The following SAMTOR variants were observed in gnomAD, a reference collection of about 807,000 sequenced individuals.
The protein encoded by SAMTOR is UPF0532 protein C7orf60.
chr7:112,885,241 C>A, the SAMTOR span, among the ~76,000 whole-genome samples: 20 of 152,150 alleles, frequency 1.3e-4, no homozygotes, highest in Non-Finnish European at 2.4e-4. Flanking sequence ...AGAGGGGCTG[C>A]TGTGAAGATC....
At chr7:112,875,778 C>T in the SAMTOR span, among the ~76,000 whole-genome samples, 4 of 152,170 alleles carry the variant, frequency 2.6e-5, no homozygotes, top group African/African-American at 9.7e-5. Context: ...TAATCTGTAT[C>T]CCACTGATGA....
At chr7:112,903,117 C>A in the SAMTOR span, among the ~76,000 whole-genome samples, 1 of 151,990 alleles carries the variant, frequency 6.6e-6, no homozygotes, top group African/African-American at 2.4e-5. Context: ...AGTTCAAGAC[C>A]CGCCTGACCA....
chr7:112,916,938 G>T, the SAMTOR span, among the ~76,000 whole-genome samples: 1 of 152,200 alleles, frequency 6.6e-6, no homozygotes, highest in Non-Finnish European at 1.5e-5. Context: ...CAAAGCAGCA[G>T]GGAAGCTCGA....
the SAMTOR span, among the ~76,000 whole-genome samples, chr7:112,832,333 T>A: frequency 3.9e-5 from 6 of 152,130 alleles, no homozygotes; most frequent in African/African-American, 1.4e-4. Context: ...TTAATTGCAA[T>A]GATTTTGCTC....
At chr7:112,937,444 T>C in the SAMTOR span, among the ~76,000 whole-genome samples, 1 of 152,142 alleles carries the variant, frequency 6.6e-6, no homozygotes, top group Non-Finnish European at 1.5e-5. Context: ...TTGTAAAATA[T>C]GTTTACAGAC....
chr7:112,844,791 G>A, the SAMTOR span, among the ~76,000 whole-genome samples: 1 of 152,022 alleles, frequency 6.6e-6, no homozygotes, highest in South Asian at 2.1e-4. Context: ...AATTGCCAAG[G>A]CAATCCTAAG....
the SAMTOR span, among the ~76,000 whole-genome samples, chr7:112,840,879 A>G: frequency 1.4e-4 from 22 of 152,202 alleles, no homozygotes; most frequent in African/African-American, 5.3e-4. Flanking sequence ...ATAAAATTCA[A>G]CACCCCTTCA....
the SAMTOR span, among the ~76,000 whole-genome samples, chr7:112,896,618 A>G: frequency 6.6e-6 from 1 of 152,210 alleles, no homozygotes; most frequent in South Asian, 2.1e-4. Flanking sequence ...ACATTTATTA[A>G]GTACGCATCA....
the SAMTOR span, among the ~76,000 whole-genome samples, chr7:112,858,343 T>C: frequency 6.6e-6 from 1 of 151,052 alleles, no homozygotes; most frequent in Non-Finnish European, 1.5e-5. Context: ...AAAATAAACA[T>C]GAAGACCACA....
chr7:112,835,420 T>G, the SAMTOR span, among the ~76,000 whole-genome samples: 1 of 152,122 alleles, frequency 6.6e-6, no homozygotes, highest in East Asian at 1.9e-4. Context: ...AACATTCCAG[T>G]GTTTCACCAT....
chr7:112,860,528 A>G, the SAMTOR span, among the ~76,000 whole-genome samples: 1 of 152,204 alleles, frequency 6.6e-6, no homozygotes, highest in Non-Finnish European at 1.5e-5. Flanking sequence ...TATTGACTTA[A>G]TTAAACTAAG....
At chr7:112,902,821 A>G in the SAMTOR span, among the ~76,000 whole-genome samples, 5 of 152,194 alleles carry the variant, frequency 3.3e-5, no homozygotes, top group Non-Finnish European at 4.4e-5. Context: ...CTGCTCTAAA[A>G]AATAAAGTCT....
chr7:112,939,739 C>A, the SAMTOR span: 8 of 1,601,088 alleles, frequency 5.0e-6, no homozygotes, highest in Admixed American at 1.0e-4. Flanking sequence ...GGCCGCCGGC[C>A]CCTGGCTCCA....
At chr7:112,919,384 T>G in the SAMTOR span, among the ~76,000 whole-genome samples, 1 of 152,126 alleles carries the variant, frequency 6.6e-6, no homozygotes, top group South Asian at 2.1e-4. Flanking sequence ...GAAATAAAGA[T>G]GTTCTTTGAA....
At chr7:112,922,901 C>G in the SAMTOR span, among the ~76,000 whole-genome samples, 4 of 111,570 alleles carry the variant, frequency 3.6e-5, no homozygotes, top group Non-Finnish European at 5.9e-5. Context: ...CCCCCCCCCC[C>G]GGGCCAGCCG....
At chr7:112,865,733 C>CAT in the SAMTOR span, among the ~76,000 whole-genome samples, 1 of 136,162 alleles carries the variant, frequency 7.3e-6, no homozygotes, top group African/African-American at 2.9e-5. Context: ...TACATATATT[C>CAT]ATATATATTT....
At chr7:112,828,079 C>T in the SAMTOR span, among the ~76,000 whole-genome samples, 1 of 151,994 alleles carries the variant, frequency 6.6e-6, no homozygotes, top group African/African-American at 2.4e-5. Flanking sequence ...ATATGGAGGG[C>T]CAAGTATATT....
At chr7:112,831,013 A>G in the SAMTOR span, among the ~76,000 whole-genome samples, 1 of 152,068 alleles carries the variant, frequency 6.6e-6, no homozygotes, top group East Asian at 1.9e-4. Flanking sequence ...CCTAGGCTGG[A>G]AACATGATTC....
chr7:112,923,947 A>G, the SAMTOR span, among the ~76,000 whole-genome samples: 2 of 152,038 alleles, frequency 1.3e-5, no homozygotes, highest in Non-Finnish European at 2.9e-5. Flanking sequence ...ACAAGAACAA[A>G]AAACCAAACA....
Sources: allele counts gnomAD v4.1 joint callset (sites outside exome capture counted in the v4.1 genomes callset), GRCh38; gene constraint gnomAD v4.1.1; transcripts MANE v1.5; gene names NCBI Gene and HGNC (gene_info 2026-07-23, HGNC 2026-07-21).